Variants in PHF19 observed in about 807,000 individuals in gnomAD.
PHF19 encodes the protein PHD finger protein 19.
A neutral mutation model predicts 79.8 loss-of-function variants in PHF19; 21 were observed. The observed-to-expected ratio is 0.26, with a 90% CI of 0.19 to 0.38. PHF19 has a LOEUF of 0.38. Among genes scored for constraint, PHF19 ranks in the 10% least tolerant of loss-of-function variants. PHF19 has a pLI of 1.00. For missense variants in PHF19, 445 were observed against 744.2 expected, an observed-to-expected ratio of 0.60 and a Z score of 4.68; for synonymous variants, 273 against 296.3, an observed-to-expected ratio of 0.92 and a Z score of 0.81.
chr9:120,877,949 CAT>C (rs933805594), upstream of PHF19, among the ~76,000 whole-genome samples: 2 of 152,280 alleles, frequency 1.3e-5, no homozygotes, highest in African/African-American at 4.8e-5. Flanking sequence ...GGACATAACA[CAT>C]AAAGTCACAA....
intron 9 of PHF19, among the ~76,000 whole-genome samples, chr9:120,864,742 T>C (rs2045645827): frequency 6.6e-6 from 1 of 151,972 alleles, no homozygotes; most frequent in Admixed American, 6.5e-5. Flanking sequence ...AAGTATAATG[T>C]ATACTAAAAA....
chr9:120,902,127 A>G, the PHF19 span, among the ~76,000 whole-genome samples: 1 of 152,208 alleles, frequency 6.6e-6, no homozygotes, highest in Non-Finnish European at 1.5e-5. Flanking sequence ...AGCCCATCAG[A>G]AACCTGAATG....
chr9:120,888,161 G>C (rs2131593970), intron 1 of PHF19, among the ~76,000 whole-genome samples: 1 of 152,316 alleles, frequency 6.6e-6, no homozygotes, highest in South Asian at 2.1e-4. Flanking sequence ...TTTTAGTAGA[G>C]AGGGGGGTTT....
Position 120,870,452 on chromosome 9 carries a change from A to G in PHF19, c.355T>C (p.Cys119Arg). The G allele has an allele frequency of 6.2e-7, 1 of 1,610,056 alleles. No individual in the cohort carries two copies. Among genetic ancestry groups the G allele is most frequent in the Non-Finnish European group, 8.5e-7 (1 of 1,176,280 alleles). Residue 119 changes from cysteine (C) to arginine (R), a missense_variant, in exon 4 of 15, where the codon TGT becomes CGT. This residue lies in a region of PHF19 where 167 missense variants were observed against 375.8 expected (regional missense o/e 0.44). Coordinates refer to ENST00000373896, the MANE Select transcript of PHF19 (RefSeq NM_015651.3). The surrounding 1 kb of genome is among the most constrained non-coding windows in gnomAD (Gnocchi z 4.4). The part of the protein sequence containing the change: ...PLNEILICGK[C>R]GLGYHQQCHI... ...TGCTCGCTCCACTCACCCAGGCCAC[A>G]CTTCCCGCAGATGAGGATCTCATTC...
chr9:120,876,489 C>T (rs989928941), intron 1 of PHF19: 7 of 151,804 alleles, frequency 4.6e-5, no homozygotes, highest in Non-Finnish European at 8.8e-5. Context: ...GGAGCGGGCC[C>T]CCGCGGGCTG....
chr9:120,883,406 A>G (rs1471188167), intron 1 of PHF19, among the ~76,000 whole-genome samples: 1 of 152,218 alleles, frequency 6.6e-6, no homozygotes, highest in Non-Finnish European at 1.5e-5. Flanking sequence ...GGCAGGCACC[A>G]TGCTAGGAAT....
rs759656370 is a variant in PHF19, at chr9:120,866,048, G to C, written c.759C>G (p.Ile253Met). ...CTCACCATCGCAGGGGCAGCCTCTC[G>C]ATGTACTCTGGGCCCTGGTTACACA... is the stretch of plus-strand genomic sequence containing the variant. ...CSVCNQGPEY[I>M]ERLPLRWVDV... The change falls in exon 8 of 15, where the codon ATC becomes ATG. Residue 253 changes from isoleucine (I) to methionine (M), a missense_variant. Physicochemically the swap from Ile to Met is conservative, Grantham distance 10. This residue lies in a region of PHF19 where 167 missense variants were observed against 375.8 expected (regional missense o/e 0.44). Coordinates refer to ENST00000373896, the MANE Select transcript of PHF19 (RefSeq NM_015651.3). This position sits in a 1 kb window ranked among gnomAD's most constrained non-coding sequence, Gnocchi z 5.2. The C allele has an allele frequency of 1.2e-6, 2 of 1,613,814 alleles. No individual in the cohort carries two copies. The highest frequency in any genetic ancestry group is 1.1e-5 in the South Asian group (1 of 91,076).
intron 12 of PHF19, 34 bp downstream of exon 12, chr9:120,861,872 CTGACCCTGCGTA>C: frequency 7.5e-7 from 1 of 1,339,396 alleles, no homozygotes. Context: ...CTAATATGTG[CTGACCCTGCGTA>C]TGAAAATGGA....
At chr9:120,883,253 C>T (rs1305857843) in intron 1 of PHF19, among the ~76,000 whole-genome samples, 1 of 152,168 alleles carries the variant, frequency 6.6e-6, no homozygotes, top group Non-Finnish European at 1.5e-5. Context: ...CACTGGAGAT[C>T]CTATTTCCCT....
upstream of PHF19, chr9:120,894,933 G>C (rs1206704273): frequency 3.9e-6 from 2 of 510,550 alleles, no homozygotes; most frequent in Non-Finnish European, 6.0e-6. Flanking sequence ...AAATAACCCA[G>C]CACACAGTCC....
At chr9:120,882,764 C>A (rs562335705) in intron 1 of PHF19, among the ~76,000 whole-genome samples, 2 of 151,530 alleles carry the variant, frequency 1.3e-5, no homozygotes, top group Non-Finnish European at 2.9e-5. Context: ...ATCTCTTGAG[C>A]CCAGAAGGCG....
intron 1 of PHF19, among the ~76,000 whole-genome samples, chr9:120,882,625 T>C (rs1323451693): frequency 6.6e-6 from 1 of 152,122 alleles, no homozygotes; most frequent in Non-Finnish European, 1.5e-5. Context: ...GCGGATCACC[T>C]GAGGTCCGGA....
upstream of PHF19, among the ~76,000 whole-genome samples, chr9:120,899,257 G>T (rs1404537725): frequency 1.3e-5 from 2 of 151,228 alleles, no homozygotes; most frequent in African/African-American, 4.9e-5. Flanking sequence ...CCAGCACTTT[G>T]GGAAGCTGAG....
chr9:120,885,579 GAAA>G (rs368105816), intron 1 of PHF19, among the ~76,000 whole-genome samples: 199 of 141,464 alleles, frequency 1.4e-3, no homozygotes, highest in Middle Eastern at 3.5e-3. Context: ...CTCTATCTTG[GAAA>G]AAAAAAAAAA....
intron 1 of PHF19, among the ~76,000 whole-genome samples, chr9:120,882,259 A>T (rs1412253097): frequency 6.6e-6 from 1 of 152,216 alleles, no homozygotes; most frequent in African/African-American, 2.4e-5. Flanking sequence ...CCAAAGGGCC[A>T]GAGAGCCCTG....
intron 14 of PHF19, 37 bp from the exon 15 acceptor site, chr9:120,858,323 A>T (rs1478543970): frequency 6.9e-7 from 1 of 1,446,302 alleles, no homozygotes; most frequent in Non-Finnish European, 9.2e-7. Flanking sequence ...GATGAGAATG[A>T]GGTAGAACAA....
Position 120,860,075 on chromosome 9 carries a change from C to T in PHF19, c.1400+15G>A, listed in dbSNP as rs201200947. On this transcript the variant is annotated intron_variant, in intron 14 of 14. Transcript: ENST00000373896. This position sits in a 1 kb window ranked among gnomAD's most constrained non-coding sequence, Gnocchi z 4.1. ...TCCTTGCAAAATGTGAAGGCCAGAC[C>T]TCTAGGAAGCTCACCTGGAGTCATA... 47 of 1,445,146 alleles carry T rather than the reference C, an allele frequency of 3.3e-5. No homozygotes were observed. The Admixed American group carries it at 6.8e-4, about 21-fold the overall frequency. 89.5% of individuals were successfully genotyped at this position (1,445,146 alleles called of 1,614,324 possible).
intron 3 of PHF19, among the ~76,000 whole-genome samples, chr9:120,872,275 C>T (rs2045925971): frequency 6.6e-6 from 1 of 152,182 alleles, no homozygotes; most frequent in Non-Finnish European, 1.5e-5. Flanking sequence ...TACAGTGGTG[C>T]TCAGCCTTAT....
chr9:120,884,985 T>G (rs1248051273), intron 1 of PHF19, among the ~76,000 whole-genome samples: 1 of 152,026 alleles, frequency 6.6e-6, no homozygotes, highest in Non-Finnish European at 1.5e-5. Flanking sequence ...CTTAGGAGGT[T>G]GAGGTGGGAG....
Sources: allele counts gnomAD v4.1 joint callset (sites outside exome capture counted in the v4.1 genomes callset), GRCh38; gene constraint gnomAD v4.1.1; regional missense constraint gnomAD v4.1.1; non-coding constraint Gnocchi (gnomAD v3.1); transcripts MANE v1.5; gene names NCBI Gene and HGNC (gene_info 2026-07-23, HGNC 2026-07-21).